MCF2: variants seen among roughly 807,000 people sequenced by gnomAD.
The protein encoded by MCF2 is MCF.2 cell line derived transforming sequence, also known as proto-oncogene DBL.
MCF2 carries 44 observed loss-of-function variants against 82.5 expected under a neutral mutation model. The ratio of observed to expected loss-of-function variants is 0.53; its 90% CI spans 0.42 to 0.69. MCF2 has a LOEUF of 0.69. Among genes scored for constraint, MCF2 ranks in the 30% least tolerant of loss-of-function variants. The pLI is 0.00. For missense variants in MCF2, 623 were observed against 663.1 expected (o/e 0.94, Z 0.66); for synonymous variants, 217 against 224.9 (o/e 0.96, Z 0.32).
At chrX:139,703,033 T>A (rs1384377391) in intron 1 of MCF2, among the ~76,000 whole-genome samples, 1 of 112,335 alleles carries the variant, frequency 8.9e-6, no homozygotes, top group East Asian at 2.8e-4. Flanking sequence ...GCCAGTTCCC[T>A]GGTCCCAAAT....
At chrX:139,583,523 C>T (rs1354497728) in intron 24 of MCF2, among the ~76,000 whole-genome samples, 1 of 111,218 alleles carries the variant, frequency 9.0e-6, no homozygotes, top group Non-Finnish European at 1.9e-5. Context: ...ACCACGTGTT[C>T]TCACTTATAA....
Position 139,597,272 on chromosome X carries a change from T to A in MCF2, c.2055+188A>T, listed in dbSNP as rs1262390401. Among the ~76,000 whole-genome samples, 26 of 111,107 alleles carry A rather than the reference T, an allele frequency of 2.3e-4. No individual in the cohort carries two copies. The Admixed American group carries it at 2.5e-3, about 11-fold the overall frequency. ...GGAAGACTGTTGGGGACAAGGGGGA[T>A]CTCATAAATCCATTTGGCTGCTGAT... On this transcript the variant is annotated intron_variant, in intron 18 of 24. Coordinates refer to ENST00000370576, the Ensembl canonical transcript of MCF2.
chrX:139,605,883 G>A (rs1930964176), intron 12 of MCF2, 104 bp from the exon 17 acceptor site: 2 of 572,047 alleles, frequency 3.5e-6, no homozygotes, highest in Non-Finnish European at 5.4e-6. Flanking sequence ...CTAATGCATA[G>A]GAATTATCAA....
chrX:139,699,799 T>C (rs1935452871), intron 1 of MCF2, among the ~76,000 whole-genome samples: 1 of 112,352 alleles, frequency 8.9e-6, no homozygotes, highest in Non-Finnish European at 1.9e-5. Flanking sequence ...AACCCTGATA[T>C]TTTAAAACTA....
upstream of MCF2, chrX:139,645,699 A>C: frequency 1.3e-6 from 1 of 799,727 alleles, no homozygotes; most frequent in Non-Finnish European, 1.9e-6. Flanking sequence ...CTTAATAATA[A>C]TGCAAATTTG....
chrX:139,613,216 C>A, intron 10 of MCF2: 4 of 1,142,052 alleles, frequency 3.5e-6, no homozygotes, highest in Non-Finnish European at 4.7e-6. Context: ...AGATGGGTAC[C>A]TTTTGAAAAA....
At chrX:139,678,132 C>T (rs1286001008) in intron 1 of MCF2, among the ~76,000 whole-genome samples, 1 of 111,943 alleles carries the variant, frequency 8.9e-6, no homozygotes, top group Admixed American at 9.5e-5. Flanking sequence ...CACTGCACTA[C>T]AGCTTGGGTG....
At chrX:139,695,729 A>G (rs1160522648) in intron 1 of MCF2, among the ~76,000 whole-genome samples, 1 of 112,144 alleles carries the variant, frequency 8.9e-6, no homozygotes, top group Non-Finnish European at 1.9e-5. Flanking sequence ...TACCTTTCTC[A>G]AGCTGATTCT....
chrX:139,652,364 A>G (rs1433674608), intron 1 of MCF2, among the ~76,000 whole-genome samples: 4 of 111,486 alleles, frequency 3.6e-5, no homozygotes, highest in Non-Finnish European at 7.5e-5. Context: ...TAGCCTCTCT[A>G]AACCTTAGTT....
intron 1 of MCF2, among the ~76,000 whole-genome samples, chrX:139,640,514 TA>T (rs1933501234): frequency 9.0e-6 from 1 of 111,154 alleles, no homozygotes; most frequent in African/African-American, 3.3e-5. Flanking sequence ...TCGTCACATA[TA>T]TATCTATTCT....
intron 12 of MCF2, among the ~76,000 whole-genome samples, chrX:139,607,014 T>C (rs1931078796): frequency 9.0e-6 from 1 of 111,305 alleles, no homozygotes; most frequent in Non-Finnish European, 1.9e-5. Context: ...ATTATAACAA[T>C]GAACAAAACA....
intron 16 of MCF2, among the ~76,000 whole-genome samples, chrX:139,601,036 G>A (rs1031989038): frequency 2.7e-5 from 3 of 110,806 alleles, no homozygotes; most frequent in Non-Finnish European, 5.7e-5. Context: ...AAGGATGAGG[G>A]CTCTTCAAAA....
At chrX:139,626,436 G>T in intron 5 of MCF2, 129 bp from the exon 9 acceptor site, 1 of 588,411 alleles carries the variant, frequency 1.7e-6, no homozygotes, top group Non-Finnish European at 2.7e-6. Flanking sequence ...TCTACCTATA[G>T]AGACAACCAA....
intron 10 of MCF2, among the ~76,000 whole-genome samples, chrX:139,612,453 T>C (rs1375625228): frequency 9.0e-6 from 1 of 110,924 alleles, no homozygotes; most frequent in Admixed American, 9.7e-5. Context: ...CTACACTCTA[T>C]ATTCAATGTT....
chrX:139,700,565 TG>T (rs1418073171), intron 1 of MCF2, among the ~76,000 whole-genome samples: 1 of 111,934 alleles, frequency 8.9e-6, no homozygotes, highest in Non-Finnish European at 1.9e-5. Context: ...CCAGGGACCT[TG>T]GGGGTCCACT....
At chrX:139,593,279 TTTC>T (rs1403561730) in intron 19 of MCF2, among the ~76,000 whole-genome samples, 2 of 111,335 alleles carry the variant, frequency 1.8e-5, no homozygotes, top group African/African-American at 6.5e-5. Context: ...TCTTCTCTCT[TTTC>T]TTCTTTATTA....
At chrX:139,647,413 A>G (rs1453881886), upstream of MCF2, among the ~76,000 whole-genome samples, 1 of 112,113 alleles carries the variant, frequency 8.9e-6, no homozygotes, top group African/African-American at 3.2e-5. Context: ...GGCAGGAATG[A>G]CATAGGAATT....
chrX:139,637,595 A>G (rs1034952222), intron 1 of MCF2, among the ~76,000 whole-genome samples: 3 of 111,531 alleles, frequency 2.7e-5, no homozygotes, highest in African/African-American at 9.8e-5. Context: ...ACAGGGGTGG[A>G]AATGTCATTT....
intron 8 of MCF2, among the ~76,000 whole-genome samples, chrX:139,617,221 A>C (rs1228960424): frequency 8.9e-6 from 1 of 111,766 alleles, no homozygotes; most frequent in Non-Finnish European, 1.9e-5. Flanking sequence ...CGAAAATACA[A>C]AGGAAGCCAT....
Sources: allele counts gnomAD v4.1 joint callset (sites outside exome capture counted in the v4.1 genomes callset), GRCh38; gene constraint gnomAD v4.1.1; transcripts MANE v1.5; gene names NCBI Gene and HGNC (gene_info 2026-07-23, HGNC 2026-07-21).